Variants in DAB1 observed in about 807,000 individuals in gnomAD.
The protein encoded by DAB1 is disabled homolog 1.
A neutral mutation model predicts 64.6 loss-of-function variants in DAB1; 15 were observed. The ratio of observed to expected loss-of-function variants is 0.23; its 90% CI spans 0.16 to 0.36. DAB1 has a LOEUF of 0.36. DAB1 is among the 10% of genes least tolerant of loss of function. The pLI, the probability that DAB1 is intolerant of heterozygous loss-of-function variation, is 1.00. For synonymous variants in DAB1, 235 were observed against 251.9 expected, an observed-to-expected ratio of 0.93 and a Z score of 0.64; for missense variants, 596 against 706.7, an observed-to-expected ratio of 0.84 and a Z score of 1.78.
At chr1:57,335,640 T>G (rs1677020402) in intron 1 of DAB1, among the ~76,000 whole-genome samples, 1 of 152,200 alleles carries the variant, frequency 6.6e-6, no homozygotes, top group Admixed American at 6.5e-5. Context: ...TGTAATTTAG[T>G]GCATAATTCC....
intron 5 of DAB1, among the ~76,000 whole-genome samples, chr1:58,140,663 A>G (rs1654232494): frequency 6.6e-6 from 1 of 152,122 alleles, no homozygotes; most frequent in East Asian, 1.9e-4. Flanking sequence ...AGTCCATGAA[A>G]GTAGTAGAGA....
chr1:57,613,745 C>T (rs563647117), intron 7 of DAB1, among the ~76,000 whole-genome samples: 4 of 152,244 alleles, frequency 2.6e-5, no homozygotes, highest in African/African-American at 2.4e-5. Flanking sequence ...TCTACCTGTG[C>T]GAGGGCTGAC....
intron 1 of DAB1, among the ~76,000 whole-genome samples, chr1:57,386,391 G>A (rs1035914144): frequency 4.9e-5 from 6 of 122,298 alleles, no homozygotes; most frequent in East Asian, 2.2e-4. Flanking sequence ...AAAAAAACCC[G>A]TCTTTTTCAT....
chr1:58,395,172 G>C (rs751009719), intron 3 of DAB1, among the ~76,000 whole-genome samples: 1 of 152,086 alleles, frequency 6.6e-6, no homozygotes, highest in Non-Finnish European at 1.5e-5. Flanking sequence ...AAGAAGAATG[G>C]GGAAGGTTTT....
At chr1:58,042,436 C>A (rs544441627) in intron 5 of DAB1, among the ~76,000 whole-genome samples, 1 of 152,138 alleles carries the variant, frequency 6.6e-6, no homozygotes, top group Non-Finnish European at 1.5e-5. Flanking sequence ...AAAGTAACAA[C>A]AACAAACCCC....
At chr1:58,514,053 C>T (rs1160977451) in intron 2 of DAB1, among the ~76,000 whole-genome samples, 2 of 152,122 alleles carry the variant, frequency 1.3e-5, no homozygotes, top group African/African-American at 4.8e-5. Flanking sequence ...GCAGCCATTC[C>T]AGGACTCAGA....
At chr1:57,991,373 G>A (rs755917473) in intron 5 of DAB1, among the ~76,000 whole-genome samples, 22 of 152,136 alleles carry the variant, frequency 1.4e-4, no homozygotes, top group Admixed American at 4.6e-4. Context: ...AACAAGCATC[G>A]ACTAATATAC....
At chr1:57,417,645 A>G (rs371587970) in intron 1 of DAB1, among the ~76,000 whole-genome samples, 2 of 152,198 alleles carry the variant, frequency 1.3e-5, no homozygotes, top group African/African-American at 4.8e-5. Context: ...ATATAATTCA[A>G]TATCTTCCAA....
intron 5 of DAB1, among the ~76,000 whole-genome samples, chr1:58,052,926 T>C (rs2100532148): frequency 6.6e-6 from 1 of 152,334 alleles, no homozygotes; most frequent in Non-Finnish European, 1.5e-5. Context: ...CTTTTGGTGA[T>C]GGCCTTAGGC....
chr1:57,490,745 T>A (rs1644152696), intron 7 of DAB1, among the ~76,000 whole-genome samples: 3 of 152,228 alleles, frequency 2.0e-5, no homozygotes. Context: ...CAACGAGTGA[T>A]GGAGCTTCAA....
intron 4 of DAB1, among the ~76,000 whole-genome samples, chr1:58,204,551 A>G (rs913558140): frequency 1.3e-5 from 2 of 152,214 alleles, no homozygotes; most frequent in African/African-American, 4.8e-5. Context: ...TGATACACAG[A>G]TTAGCTCTGT....
chr1:57,773,414 CCAGA>C (rs560186745), intron 6 of DAB1, among the ~76,000 whole-genome samples: 13 of 151,520 alleles, frequency 8.6e-5, no homozygotes, highest in Non-Finnish European at 1.8e-4. Context: ...CAGTTATTTG[CCAGA>C]CAAACACTTT....
At chr1:58,518,354 GGAAGGGAAGAGAAGA>G (rs1646205633) in intron 2 of DAB1, among the ~76,000 whole-genome samples, 1 of 32,434 alleles carries the variant, frequency 3.1e-5, no homozygotes, top group East Asian at 2.5e-3. Context: ...AGAAGAGAAG[GGAAGGGAAGAGAAGA>G]GAAGGGAAGA....
At chr1:58,387,422 G>A (rs1644441568) in intron 3 of DAB1, among the ~76,000 whole-genome samples, 1 of 152,234 alleles carries the variant, frequency 6.6e-6, no homozygotes, top group Admixed American at 6.5e-5. Context: ...GAGGGGTATA[G>A]GAGTGAGTGA....
intron 6 of DAB1, among the ~76,000 whole-genome samples, chr1:57,661,206 A>T (rs919573851): frequency 6.6e-6 from 1 of 152,112 alleles, no homozygotes. Context: ...ATTGAGTTCT[A>T]AAGGCTCAGT....
At chr1:57,252,751 T>C (rs1025526493) in intron 2 of DAB1, among the ~76,000 whole-genome samples, 2 of 152,152 alleles carry the variant, frequency 1.3e-5, no homozygotes, top group African/African-American at 2.4e-5. Context: ...GATTCAGAGC[T>C]GAGAGAGAAC....
rs6698589 is a variant in DAB1, at chr1:57,370,805, A to C, written c.-137+53125T>G. Among the ~76,000 whole-genome samples the C allele has an allele frequency of 4.1e-3, 630 of 152,326 alleles. 4 individuals carry two copies. Among genetic ancestry groups the C allele is most frequent in the South Asian group, 6.8e-3 (33 of 4,826 alleles). On this transcript the variant is annotated intron_variant, in intron 1 of 14. Transcript: ENST00000371236. Reference sequence around the variant, plus strand: ...ACCTAGAAATCCACTGTACCTTGTAAATATTTTTTATGGTCGTTTTAAAAT... The same window carrying C: ...ACCTAGAAATCCACTGTACCTTGTACATATTTTTTATGGTCGTTTTAAAAT...
intron 7 of DAB1, among the ~76,000 whole-genome samples, chr1:57,551,260 G>C (rs186917945): frequency 6.6e-6 from 1 of 152,178 alleles, no homozygotes; most frequent in Non-Finnish European, 1.5e-5. Context: ...CATAAGGATT[G>C]TAGGGAACAT....
chr1:57,338,275 G>A (rs35321467), intron 1 of DAB1, among the ~76,000 whole-genome samples: 3,293 of 152,072 alleles, frequency 0.022, 45 homozygotes, highest in South Asian at 0.053. Context: ...GTGAGCCACC[G>A]CACCCAACCT....
Sources: gnomAD v4.1 joint callset for allele counts (sites outside exome capture counted in the v4.1 genomes callset) on GRCh38, gnomAD v4.1.1 for gene constraint, MANE v1.5 for transcripts, NCBI Gene and HGNC (gene_info 2026-07-23, HGNC 2026-07-21) for gene names.